FILIP1: variants seen among roughly 807,000 people sequenced by gnomAD.
FILIP1 encodes filamin-A-interacting protein 1.
A neutral mutation model predicts 102.1 loss-of-function variants in FILIP1; 61 were observed. The observed-to-expected ratio is 0.60, with a 90% CI of 0.49 to 0.74. The LOEUF (loss-of-function observed/expected upper bound fraction) is 0.74. Among genes scored for constraint, FILIP1 ranks in the 30% least tolerant of loss-of-function variants. FILIP1 has a pLI of 0.00. For synonymous variants in FILIP1, 491 were observed against 526.9 expected (o/e 0.93, Z 0.93); for missense variants, 1,314 against 1,441.2 (o/e 0.91, Z 1.43).
chr6:75,457,009 C>A (rs1405296576), intron 1 of FILIP1, among the ~76,000 whole-genome samples: 1 of 152,070 alleles, frequency 6.6e-6, no homozygotes, highest in Non-Finnish European at 1.5e-5. Flanking sequence ...ATGGAAAGCA[C>A]TGAAAAAACC....
chr6:75,481,009 T>C (rs1010134102), intron 1 of FILIP1, among the ~76,000 whole-genome samples: 1 of 152,238 alleles, frequency 6.6e-6, no homozygotes, highest in Non-Finnish European at 1.5e-5. Context: ...ATAACACTCA[T>C]GTCTGATGCT....
chr6:75,482,851 C>T (rs2149780494), intron 1 of FILIP1, among the ~76,000 whole-genome samples: 1 of 152,286 alleles, frequency 6.6e-6, no homozygotes, highest in Non-Finnish European at 1.5e-5. Flanking sequence ...CTATTCATGA[C>T]ATTTAATGAA....
intron 2 of FILIP1, among the ~76,000 whole-genome samples, chr6:75,407,061 C>T (rs1776881329): frequency 6.6e-6 from 1 of 152,052 alleles, no homozygotes; most frequent in Admixed American, 6.6e-5. Flanking sequence ...GAAAGAAGCA[C>T]ATATAGGAGG....
At chr6:75,372,625 G>GAA (rs1437301187) in intron 2 of FILIP1, among the ~76,000 whole-genome samples, 1 of 26,900 alleles carries the variant, frequency 3.7e-5, no homozygotes. Context: ...GAAAGAAAAA[G>GAA]AAAGAAAGAA....
intron 4 of FILIP1, among the ~76,000 whole-genome samples, chr6:75,328,269 T>C (rs1338611890): frequency 6.6e-6 from 1 of 152,242 alleles, no homozygotes; most frequent in Non-Finnish European, 1.5e-5. Context: ...GAGTCCTTTA[T>C]TTTTAAGTCC....
chr6:75,303,941 T>C (rs1056127704), downstream of FILIP1, among the ~76,000 whole-genome samples: 4 of 151,834 alleles, frequency 2.6e-5, no homozygotes, highest in African/African-American at 9.7e-5. Context: ...AAACAACCAG[T>C]CCAGACTGAA....
chr6:75,473,165 A>C (rs1373527138), intron 1 of FILIP1, among the ~76,000 whole-genome samples: 1 of 152,176 alleles, frequency 6.6e-6, no homozygotes, highest in Non-Finnish European at 1.5e-5. Context: ...TTTATGGACA[A>C]TCTTGAGGAA....
chr6:75,395,415 G>T lies in FILIP1; in HGVS notation c.276+19282C>A, dbSNP rs1015594520. Among the ~76,000 whole-genome samples, 4 of 152,220 alleles carry T rather than the reference G, an allele frequency of 2.6e-5. No individual in the cohort carries two copies. In the South Asian group the frequency reaches 6.2e-4, roughly 24 times the overall value. On this transcript the variant is annotated intron_variant, in intron 2 of 5. Transcript: ENST00000237172. ...CTGCCTCAGCCTCCTGAGTAACTGGGATTACAGGCACCCGCAACCATGCCC... is the reference window on the plus strand; with the variant it reads ...CTGCCTCAGCCTCCTGAGTAACTGGTATTACAGGCACCCGCAACCATGCCC...
intron 2 of FILIP1, among the ~76,000 whole-genome samples, chr6:75,374,005 CA>C (rs1345810312): frequency 2.6e-5 from 4 of 152,046 alleles, no homozygotes; most frequent in Non-Finnish European, 5.9e-5. Context: ...CAAAACAAAA[CA>C]AAAAACTAAA....
chr6:75,414,849 A>T lies in FILIP1; in HGVS notation c.124T>A (p.Ser42Thr). 1 of 1,613,520 alleles carries T rather than the reference A, an allele frequency of 6.2e-7. No individual in the cohort carries two copies. The highest frequency in any genetic ancestry group is 8.5e-7 in the Non-Finnish European group (1 of 1,179,846). Residue 42 changes from serine to threonine, a missense_variant, in exon 2 of 6, where the codon TCA (serine) becomes ACA (threonine). Transcript: ENST00000237172. Reference protein sequence around the residue: ...LSEDAKKKKKSNRKEDDVMAS... With the variant: ...LSEDAKKKKKTNRKEDDVMAS... ...ATGACATCATCCTCCTTCCTATTTG[A>T]TTTCTTCTTCTTTTTTGCATCTTCT...
chr6:75,296,628 TA>T (rs964950040), intron 6 of FILIP1: 156 of 150,672 alleles, frequency 1.0e-3, no homozygotes, highest in African/African-American at 3.8e-3. Flanking sequence ...GCCTCCCCAG[TA>T]GCTGGGACTA....
At chr6:75,302,003 A>C (rs974086289) in intron 6 of FILIP1, among the ~76,000 whole-genome samples, 1 of 152,158 alleles carries the variant, frequency 6.6e-6, no homozygotes, top group Non-Finnish European at 1.5e-5. Context: ...CAAACCCCTG[A>C]AACTTTCTCA....
intron 3 of FILIP1, among the ~76,000 whole-genome samples, chr6:75,356,073 C>T (rs1430677240): frequency 6.6e-6 from 1 of 152,194 alleles, no homozygotes; most frequent in Non-Finnish European, 1.5e-5. Context: ...TCCACCGCCA[C>T]CCCAATTGAG....
intron 2 of FILIP1, among the ~76,000 whole-genome samples, chr6:75,378,477 G>A (rs1183691721): frequency 1.3e-5 from 2 of 152,108 alleles, no homozygotes; most frequent in Non-Finnish European, 2.9e-5. Flanking sequence ...TGCATGTCTG[G>A]GAATGGCCAT....
At chr6:75,484,633 C>T (rs1310028214) in intron 1 of FILIP1, among the ~76,000 whole-genome samples, 1 of 152,182 alleles carries the variant, frequency 6.6e-6, no homozygotes, top group Non-Finnish European at 1.5e-5. Flanking sequence ...TAAAGCACCC[C>T]AGGTGACTTT....
intron 1 of FILIP1, chr6:75,465,441 C>A (rs1779134827): frequency 1.2e-6 from 1 of 865,176 alleles, no homozygotes; most frequent in Non-Finnish European, 1.8e-6. Flanking sequence ...TTCACTGACC[C>A]ATATCAATGC....
At chr6:75,337,148 C>T (rs924931333) in intron 4 of FILIP1, among the ~76,000 whole-genome samples, 2 of 152,016 alleles carry the variant, frequency 1.3e-5, no homozygotes, top group East Asian at 3.9e-4. Flanking sequence ...CACATATTAA[C>T]TGAAATGTAT....
At chr6:75,346,766 A>G (rs965147738) in intron 4 of FILIP1, among the ~76,000 whole-genome samples, 6 of 152,044 alleles carry the variant, frequency 3.9e-5, no homozygotes, top group Non-Finnish European at 8.8e-5. Context: ...ACACCTCATC[A>G]CCTCAGCCTC....
intron 4 of FILIP1, among the ~76,000 whole-genome samples, chr6:75,328,556 TG>T (rs1373593799): frequency 1.3e-5 from 2 of 152,206 alleles, no homozygotes; most frequent in African/African-American, 4.8e-5. Context: ...TGCAGTGACA[TG>T]ATCTCACTGC....
Sources: allele counts gnomAD v4.1 joint callset (sites outside exome capture counted in the v4.1 genomes callset), GRCh38; gene constraint gnomAD v4.1.1; transcripts MANE v1.5; gene names NCBI Gene and HGNC (gene_info 2026-07-23, HGNC 2026-07-21).